The following ZCCHC24 variants were observed in gnomAD, a reference collection of about 807,000 sequenced individuals.
ZCCHC24 encodes the protein zinc finger CCHC-type containing 24, also known as zinc finger CCHC domain-containing protein 24.
In ZCCHC24, 10 loss-of-function variants were observed where a neutral mutation model predicts 26.2. That is an observed-to-expected ratio of 0.38 (90% CI 0.24 to 0.65). The LOEUF (loss-of-function observed/expected upper bound fraction) is 0.65, where lower values mean the gene tolerates loss of function less well. ZCCHC24 is among the 30% of genes least tolerant of loss of function. ZCCHC24 has a pLI of 0.54. For missense variants in ZCCHC24, 243 were observed against 329.1 expected (o/e 0.74, Z 2.03); for synonymous variants, 144 against 147.1 (o/e 0.98, Z 0.15).
intron 2 of ZCCHC24, among the ~76,000 whole-genome samples, chr10:79,402,822 G>A (rs1051188310): frequency 2.0e-5 from 3 of 152,158 alleles, no homozygotes; most frequent in East Asian, 1.9e-4. Flanking sequence ...CTGAATGTGC[G>A]GCCTCTCCGT....
intron 3 of ZCCHC24, among the ~76,000 whole-genome samples, chr10:79,387,883 C>T (rs546551905): frequency 2.0e-5 from 3 of 152,242 alleles, no homozygotes; most frequent in African/African-American, 7.2e-5. Context: ...CTGCCCCTGG[C>T]CCAGGGGTCA....
intron 2 of ZCCHC24, among the ~76,000 whole-genome samples, chr10:79,404,334 G>A (rs937575536): frequency 6.6e-6 from 1 of 152,180 alleles, no homozygotes; most frequent in Non-Finnish European, 1.5e-5. Flanking sequence ...TTAATCACAT[G>A]AACAGCCACT....
At chr10:79,401,096 C>A (rs1407405107) in intron 2 of ZCCHC24, among the ~76,000 whole-genome samples, 1 of 152,262 alleles carries the variant, frequency 6.6e-6, no homozygotes, top group African/African-American at 2.4e-5. Context: ...AGGGTGGGCA[C>A]TGAGAGCCTG....
At chr10:79,393,835 C>T (rs1856508303) in intron 3 of ZCCHC24, among the ~76,000 whole-genome samples, 1 of 152,112 alleles carries the variant, frequency 6.6e-6, no homozygotes, top group Non-Finnish European at 1.5e-5. Flanking sequence ...TCCAGGTCCC[C>T]AAGTCAGCAT....
At chr10:79,394,021 G>A (rs990417892) in intron 3 of ZCCHC24, among the ~76,000 whole-genome samples, 2 of 152,162 alleles carry the variant, frequency 1.3e-5, no homozygotes, top group African/African-American at 4.8e-5. Context: ...CCTGCTGTCC[G>A]CACATCTCTG....
chr10:79,438,224 A>G (rs1857241875), intron 1 of ZCCHC24, among the ~76,000 whole-genome samples: 2 of 152,074 alleles, frequency 1.3e-5, no homozygotes, highest in Admixed American at 6.5e-5. Flanking sequence ...CCCCACAGAC[A>G]CGCGCACACA....
chr10:79,439,664 C>T (rs573133219), intron 1 of ZCCHC24, among the ~76,000 whole-genome samples: 5 of 151,964 alleles, frequency 3.3e-5, no homozygotes, highest in African/African-American at 9.7e-5. Flanking sequence ...TGGTGGCAGG[C>T]GCCTGTAATC....
chr10:79,390,653 C>T (rs899563476), intron 3 of ZCCHC24, among the ~76,000 whole-genome samples: 3 of 152,244 alleles, frequency 2.0e-5, no homozygotes, highest in African/African-American at 4.8e-5. Context: ...TCAAGACATT[C>T]CCCTCGGCAG....
intron 1 of ZCCHC24, among the ~76,000 whole-genome samples, chr10:79,442,314 T>C (rs1857300520): frequency 6.6e-6 from 1 of 152,172 alleles, no homozygotes; most frequent in Admixed American, 6.5e-5. Flanking sequence ...TGGTGCTTGC[T>C]CCTGCACCAG....
At chr10:79,441,987 C>T (rs1393782900) in intron 1 of ZCCHC24, among the ~76,000 whole-genome samples, 1 of 152,186 alleles carries the variant, frequency 6.6e-6, no homozygotes, top group African/African-American at 2.4e-5. Context: ...CTCCCATAGC[C>T]CCTTTACGGT....
Position 79,383,125 on chromosome 10 carries a change from G to T in ZCCHC24, c.*3220C>A, listed in dbSNP as rs1013682334. ...ACCATTCCCTTTTTCACTATGTATC[G>T]AATTATAGCTTCCCTTAAAAAAGGC... On this transcript the variant is annotated 3_prime_UTR_variant, in exon 4 of 4. Coordinates refer to ENST00000372336, the MANE Select transcript of ZCCHC24 (RefSeq NM_153367.4). 2.0e-5 allele frequency: 3 copies of T among 152,714 alleles called. No homozygotes were observed. The highest frequency in any genetic ancestry group is 7.2e-5 in the African/African-American group (3 of 41,444). 9.5% of individuals were successfully genotyped at this position (152,714 alleles called of 1,614,324 possible). A position where few individuals can be genotyped will look rare whatever the true frequency, so the allele number is the denominator to read the frequency against.
rs1856364634 is a variant in ZCCHC24 at position 79,384,586 on chromosome 10, CTTT to C, written c.*1756_*1758del. On this transcript the variant is annotated 3_prime_UTR_variant, in exon 4 of 4. Coordinates refer to ENST00000372336, the MANE Select transcript of ZCCHC24 (RefSeq NM_153367.4). Reference sequence around the variant, plus strand: ...CTGCTGCCTGGCCTGGAGCAAATACCTTTTTTAAGTGCTCAGAGGGTATGGCCC... The same window carrying C: ...CTGCTGCCTGGCCTGGAGCAAATACCTTTAAGTGCTCAGAGGGTATGGCCC... 6.6e-6 allele frequency: 1 copy of C among 152,458 alleles called. No individual in the cohort carries two copies. Among genetic ancestry groups the C allele is most frequent in the Non-Finnish European group, 1.5e-5 (1 of 68,044 alleles). The allele number at this position is 152,458 out of a possible 1,614,324, so 9.4% of individuals were successfully genotyped here.
In ZCCHC24 at chr10:79,386,160, G is replaced by A. The variant is rs1221550369; in HGVS notation, c.*185C>T. ...TGCTTTCCCTGGCCTGTGGGGGGCA[G>A]CAATGTCAGTAACACTGTTTGTCAA... On this transcript the variant is annotated 3_prime_UTR_variant, in exon 4 of 4. Coordinates refer to ENST00000372336, the MANE Select transcript of ZCCHC24 (RefSeq NM_153367.4). The A allele has an allele frequency of 3.3e-6, 2 of 613,884 alleles. No individual in the cohort carries two copies. The highest frequency in any genetic ancestry group is 2.8e-5 in the East Asian group (1 of 36,086). The allele number at this position is 613,884 out of a possible 1,614,324, so 38.0% of individuals were successfully genotyped here.
chr10:79,412,560 C>T (rs747368255), intron 2 of ZCCHC24, among the ~76,000 whole-genome samples: 2 of 152,238 alleles, frequency 1.3e-5, no homozygotes, highest in African/African-American at 2.4e-5. Context: ...AGAATCCCAC[C>T]GAGGGAGGAA....
At chr10:79,433,730 T>C (rs974670249) in intron 1 of ZCCHC24, among the ~76,000 whole-genome samples, 13 of 152,146 alleles carry the variant, frequency 8.5e-5, no homozygotes, top group African/African-American at 2.9e-4. Flanking sequence ...TGGGGGGCCT[T>C]GTGTCTGATG....
chr10:79,445,465 C>T lies in ZCCHC24; in HGVS notation c.-25G>A. 2 of 1,360,422 alleles carry T rather than the reference C, an allele frequency of 1.5e-6. No individual in the cohort carries two copies. The highest frequency in any genetic ancestry group is 1.9e-6 in the Non-Finnish European group (2 of 1,048,384). The allele number at this position is 1,360,422 out of a possible 1,614,324, so 84.3% of individuals were successfully genotyped here. A position where few individuals can be genotyped will look rare whatever the true frequency, so the allele number is the denominator to read the frequency against. ...TTTTGTGGCGGCGGTGCCGGCCCCT[C>T]CCCGGCCGCCCGCTCGCGGCCCCCC... On this transcript the variant is annotated 5_prime_UTR_variant, in exon 1 of 4. Transcript: ENST00000372336.
intron 2 of ZCCHC24, among the ~76,000 whole-genome samples, chr10:79,409,731 C>G (rs766346962): frequency 2.6e-5 from 4 of 152,232 alleles, no homozygotes; most frequent in Non-Finnish European, 5.9e-5. Flanking sequence ...CCTGATGGTC[C>G]AGGGAACGGG....
At chr10:79,413,926 C>T (rs1856827593) in intron 2 of ZCCHC24, among the ~76,000 whole-genome samples, 1 of 152,196 alleles carries the variant, frequency 6.6e-6, no homozygotes, top group Non-Finnish European at 1.5e-5. Context: ...AGCTGTATGT[C>T]CACCTGCTGC....
intron 1 of ZCCHC24, among the ~76,000 whole-genome samples, chr10:79,435,587 A>C (rs1857204922): frequency 6.6e-6 from 1 of 152,230 alleles, no homozygotes; most frequent in South Asian, 2.1e-4. Context: ...CCAGGGAATT[A>C]GGGCCCATCC....
Sources: gnomAD v4.1 joint callset for allele counts (sites outside exome capture counted in the v4.1 genomes callset) on GRCh38, gnomAD v4.1.1 for gene constraint, MANE v1.5 for transcripts, NCBI Gene and HGNC (gene_info 2026-07-23, HGNC 2026-07-21) for gene names.